TCF7L2: variants seen among roughly 807,000 people sequenced by gnomAD.
The protein encoded by TCF7L2 is transcription factor 7-like 2.
TCF7L2 carries 23 observed loss-of-function variants against 77.9 expected under a neutral mutation model. That is an observed-to-expected ratio of 0.30 (90% confidence interval 0.21 to 0.42). The LOEUF is 0.42. Ranked by LOEUF, TCF7L2 falls within the 10% of genes least tolerant of loss-of-function variation. The pLI is 1.00. For missense variants in TCF7L2, 654 were observed against 793.1 expected (o/e 0.82, Z 2.11); for synonymous variants, 413 against 340.2 (o/e 1.21, Z -2.36).
chr10:113,107,793 G>C (rs927316746), intron 5 of TCF7L2, among the ~76,000 whole-genome samples: 1 of 123,910 alleles, frequency 8.1e-6, no homozygotes, highest in Non-Finnish European at 1.9e-5. Flanking sequence ...AAAAATCAAG[G>C]TACATCACTT....
intron 5 of TCF7L2, among the ~76,000 whole-genome samples, chr10:113,044,189 G>A (rs1478918842): frequency 2.0e-5 from 3 of 152,148 alleles, no homozygotes; most frequent in African/African-American, 7.2e-5. Flanking sequence ...CCAGACTGTG[G>A]TGGTGTACTT....
chr10:113,134,832 C>T (rs2067162471), intron 5 of TCF7L2, among the ~76,000 whole-genome samples: 1 of 152,182 alleles, frequency 6.6e-6, no homozygotes, highest in Non-Finnish European at 1.5e-5. Flanking sequence ...TCCATGCCCA[C>T]CCTGAGGAGG....
intron 4 of TCF7L2, among the ~76,000 whole-genome samples, chr10:113,021,426 A>T (rs2048253970): frequency 2.0e-5 from 3 of 152,222 alleles, no homozygotes. Context: ...GCACTTCCTG[A>T]CATTATTGCC....
intron 4 of TCF7L2, among the ~76,000 whole-genome samples, chr10:113,028,768 A>G (rs1266090797): frequency 6.6e-6 from 1 of 152,200 alleles, no homozygotes; most frequent in Non-Finnish European, 1.5e-5. Flanking sequence ...TCAAGCCTTG[A>G]GAGCTCCCAG....
At chr10:113,020,882 A>C (rs2048167781) in intron 4 of TCF7L2, among the ~76,000 whole-genome samples, 1 of 151,946 alleles carries the variant, frequency 6.6e-6, no homozygotes, top group Non-Finnish European at 1.5e-5. Context: ...AGAATGAGGG[A>C]GGTGGGATGA....
At chr10:112,966,115 C>T (rs1142155) in intron 4 of TCF7L2, among the ~76,000 whole-genome samples, 4,286 of 149,238 alleles carry the variant, frequency 0.029, 99 homozygotes, top group Non-Finnish European at 0.046. Context: ...GCGGAGGTTG[C>T]GGTGAGCCGA....
intron 4 of TCF7L2, among the ~76,000 whole-genome samples, chr10:113,028,075 A>C (rs891057695): frequency 2.6e-5 from 4 of 152,192 alleles, no homozygotes; most frequent in African/African-American, 9.7e-5. Context: ...GTCTGAAAGG[A>C]AAGTGGGCCG....
chr10:113,107,751 C>CAAAA (rs2062551301), intron 5 of TCF7L2, among the ~76,000 whole-genome samples: 1 of 16,170 alleles, frequency 6.2e-5, no homozygotes, highest in Non-Finnish European at 1.3e-4. Context: ...GAGACTCCGT[C>CAAAA]TAAAAAAAAA....
At chr10:113,155,555 G>A (rs545517798) in intron 11 of TCF7L2, among the ~76,000 whole-genome samples, 2 of 152,270 alleles carry the variant, frequency 1.3e-5, no homozygotes, top group South Asian at 2.1e-4. Context: ...CAACATCTCC[G>A]TGCTATATCC....
intron 5 of TCF7L2, among the ~76,000 whole-genome samples, chr10:113,040,880 A>C (rs1036903832): frequency 5.9e-5 from 9 of 152,254 alleles, no homozygotes; most frequent in Admixed American, 5.9e-4. Context: ...CATGAGCTGG[A>C]CTTCATACTT....
intron 5 of TCF7L2, among the ~76,000 whole-genome samples, chr10:113,131,460 G>A (rs965057691): frequency 1.3e-5 from 2 of 152,154 alleles, no homozygotes; most frequent in Non-Finnish European, 2.9e-5. Flanking sequence ...TGTATGTTGT[G>A]TTACTGCAAA....
In TCF7L2 at chr10:112,951,913, C is replaced by CT. The variant is rs112385175; in HGVS notation, c.381+309dup. The CT allele has an allele frequency of 0.56, 84,785 of 151,144 alleles. 24,071 individuals are homozygous for CT. The highest frequency in any genetic ancestry group is 0.64 in the African/African-American group (26,320 of 40,844). The allele number at this position is 151,144 out of a possible 1,614,324, so 9.4% of individuals were successfully genotyped here. On this transcript the variant is annotated intron_variant, in intron 3 of 13. Coordinates refer to ENST00000627217, the MANE Select transcript of TCF7L2 (RefSeq NM_001146274.2). ...TGGGGAGGGGGGGGAATCCGAAGAA[C>CT]TTTCCTTTGCGTTCTGGTTCCCCCT... is the stretch of plus-strand genomic sequence containing the variant.
In TCF7L2 at chr10:113,018,641, T is replaced by C. The variant is rs572150786; in HGVS notation, c.451-21384T>C. 1.6e-3 allele frequency among the ~76,000 whole-genome samples: 250 copies of C among 152,162 alleles called. 4 individuals carry two copies. Among genetic ancestry groups the C allele is most frequent in the Non-Finnish European group, 5.6e-4 (38 of 68,002 alleles). ...ACTACCATGCCTGGGTATTTTTTTG[T>C]ATTTTTAGTAGAGACAGGGTTTCAC... On this transcript the variant is annotated intron_variant, in intron 4 of 13. Coordinates refer to ENST00000627217, the MANE Select transcript of TCF7L2 (RefSeq NM_001146274.2).
chr10:113,161,490 G>A, intron 13 of TCF7L2: 1 of 1,404,828 alleles, frequency 7.1e-7, no homozygotes, highest in South Asian at 1.2e-5. Context: ...CTTCTTGGTG[G>A]AGGGATACCG....
rs542476573 is a variant in TCF7L2 at position 113,049,187 on chromosome 10, G to GC, written c.552+9068dup. 2.7e-3 allele frequency among the ~76,000 whole-genome samples: 411 copies of GC among 151,716 alleles called. 1 individual carries two copies. Among genetic ancestry groups the GC allele is most frequent in the African/African-American group, 9.0e-3 (373 of 41,314 alleles). ...CTCAGGCCTCTGCCTCATCTCCGCT[G>GC]CCCCCCCGCCCCCTGACTCTCTTCT... is the stretch of plus-strand genomic sequence containing the variant. On this transcript the variant is annotated intron_variant, in intron 5 of 13. Coordinates refer to ENST00000627217, the MANE Select transcript of TCF7L2 (RefSeq NM_001146274.2).
chr10:113,073,134 G>GAGAGAGAGAGAGAGAC (rs2058264988), intron 5 of TCF7L2, among the ~76,000 whole-genome samples: 1 of 135,098 alleles, frequency 7.4e-6, no homozygotes, highest in Admixed American at 7.4e-5. Flanking sequence ...GTGTGTGAGA[G>GAGAGAGAGAGAGAGAC]AGAGAGAGAG....
intron 4 of TCF7L2, among the ~76,000 whole-genome samples, chr10:113,039,521 A>G (rs2052037359): frequency 6.6e-6 from 1 of 152,206 alleles, no homozygotes; most frequent in African/African-American, 2.4e-5. Flanking sequence ...TTTGCTACCT[A>G]AAGGACAGCT....
intron 4 of TCF7L2, among the ~76,000 whole-genome samples, chr10:113,034,522 A>G (rs1389614147): frequency 1.3e-5 from 2 of 152,178 alleles, no homozygotes; most frequent in Non-Finnish European, 2.9e-5. Flanking sequence ...TATTTGGTTA[A>G]AACCAGAAGT....
intron 4 of TCF7L2, among the ~76,000 whole-genome samples, chr10:112,985,812 G>A (rs1190408303): frequency 6.6e-6 from 1 of 151,878 alleles, no homozygotes; most frequent in Non-Finnish European, 1.5e-5. Flanking sequence ...GAAGTTGGGA[G>A]GGCTGCCTGT....
Sources: gnomAD v4.1 joint callset for allele counts (sites outside exome capture counted in the v4.1 genomes callset) on GRCh38, gnomAD v4.1.1 for gene constraint, MANE v1.5 for transcripts, NCBI Gene and HGNC (gene_info 2026-07-23, HGNC 2026-07-21) for gene names.